GRIN2A: variants seen among roughly 807,000 people sequenced by gnomAD.
The protein encoded by GRIN2A is glutamate receptor ionotropic, NMDA 2A.
Under a neutral mutation model 113.4 loss-of-function variants are expected in GRIN2A, and 22 were observed. The observed-to-expected ratio is 0.19, with a 90% CI of 0.14 to 0.28. The LOEUF (loss-of-function observed/expected upper bound fraction) is 0.28. GRIN2A is among the 10% of genes least tolerant of loss of function. The pLI, the probability that GRIN2A is intolerant of heterozygous loss-of-function variation, is 1.00. For missense variants in GRIN2A, 1,502 were observed against 1,887.0 expected, an observed-to-expected ratio of 0.80 and a Z score of 3.78; for synonymous variants, 827 against 738.4, an observed-to-expected ratio of 1.12 and a Z score of -1.94.
intron 4 of GRIN2A, 71 bp downstream of exon 4, chr16:9,890,915 A>T (rs2043681059): frequency 1.1e-6 from 1 of 927,164 alleles, no homozygotes; most frequent in Non-Finnish European, 1.8e-6. Context: ...GGGAGAAAGA[A>T]GCACTGTGAG....
At chr16:9,781,597 G>A (rs989439429) in intron 11 of GRIN2A, among the ~76,000 whole-genome samples, 3 of 152,130 alleles carry the variant, frequency 2.0e-5, no homozygotes, top group Non-Finnish European at 4.4e-5. Flanking sequence ...CTGGGCTCAA[G>A]CAATCCCCCC....
chr16:9,763,966 A>C lies in GRIN2A; in HGVS notation c.3578T>G (p.Leu1193Trp), dbSNP rs75761674. 7.9e-5 allele frequency: 128 copies of C among 1,614,110 alleles called. No individual in the cohort carries two copies. In the Middle Eastern group the frequency reaches 1.3e-3, roughly 17 times the overall value. ...ACTGTGCGGGGAACCCTTGTCTTTC[A>C]AGGTGAAGTGCTTGGAGTAGAGTTT... ...QYKLYSKHFT[L>W]KDKGSPHSET... Residue 1193 changes from leucine (L) to tryptophan (W), a missense_variant, in exon 13 of 13, where the codon TTG becomes TGG. Around this residue, in one of 7 missense-constraint regions of GRIN2A, gnomAD observed 832 missense variants for 789.7 expected, o/e 1.05. Transcript: ENST00000330684.
chr16:10,044,145 C>T (rs1323275421), intron 2 of GRIN2A, among the ~76,000 whole-genome samples: 1 of 151,398 alleles, frequency 6.6e-6, no homozygotes, highest in Non-Finnish European at 1.5e-5. Context: ...CCTCTGCCTC[C>T]CAGGTCCCGG....
intron 11 of GRIN2A, among the ~76,000 whole-genome samples, chr16:9,797,851 T>A (rs1903096347): frequency 6.6e-6 from 1 of 152,098 alleles, no homozygotes; most frequent in African/African-American, 2.4e-5. Flanking sequence ...ACCCATTAGA[T>A]CAGCAAGCAG....
chr16:9,961,055 A>G (rs2315511), intron 2 of GRIN2A, among the ~76,000 whole-genome samples: 127,522 of 152,252 alleles, frequency 0.84, 54,082 homozygotes, highest in African/African-American at 0.94. Context: ...GCACTATAGT[A>G]CTTGGTATAT....
At chr16:9,857,195 A>G (rs570777721) in intron 4 of GRIN2A, among the ~76,000 whole-genome samples, 9 of 152,360 alleles carry the variant, frequency 5.9e-5, no homozygotes, top group African/African-American at 2.2e-4. Context: ...GCCTAAGGCA[A>G]TATTACAATT....
At chr16:9,941,719 T>C (rs2044882038) in intron 2 of GRIN2A, among the ~76,000 whole-genome samples, 1 of 152,196 alleles carries the variant, frequency 6.6e-6, no homozygotes, top group Non-Finnish European at 1.5e-5. Flanking sequence ...TTCTCATCTA[T>C]AAAATGGGTG....
At chr16:9,815,554 T>C (rs2042172191) in intron 10 of GRIN2A, among the ~76,000 whole-genome samples, 1 of 151,774 alleles carries the variant, frequency 6.6e-6, no homozygotes, top group Admixed American at 6.6e-5. Flanking sequence ...ATTAGGGAAA[T>C]GCAAATCAAA....
intron 2 of GRIN2A, among the ~76,000 whole-genome samples, chr16:10,084,224 T>G (rs893161749): frequency 6.6e-6 from 1 of 152,252 alleles, no homozygotes; most frequent in Non-Finnish European, 1.5e-5. Flanking sequence ...TATTCTTTAC[T>G]GAGCACCTAC....
intron 2 of GRIN2A, among the ~76,000 whole-genome samples, chr16:9,956,289 C>T (rs2045308788): frequency 6.6e-6 from 1 of 152,082 alleles, no homozygotes; most frequent in South Asian, 2.1e-4. Flanking sequence ...ACCTATAAGC[C>T]ACATAATACC....
intron 2 of GRIN2A, among the ~76,000 whole-genome samples, chr16:10,124,016 A>G (rs548567873): frequency 6.6e-6 from 1 of 152,074 alleles, no homozygotes; most frequent in Non-Finnish European, 1.5e-5. Flanking sequence ...CCTTGTTCCC[A>G]CCTTCTTTCC....
At chr16:9,788,413 A>G (rs759217976) in intron 11 of GRIN2A, among the ~76,000 whole-genome samples, 8 of 151,806 alleles carry the variant, frequency 5.3e-5, no homozygotes, top group Non-Finnish European at 1.0e-4. Flanking sequence ...ACCTACCACC[A>G]TGCCTGGCTG....
intron 2 of GRIN2A, among the ~76,000 whole-genome samples, chr16:10,144,049 G>A: frequency 6.6e-6 from 1 of 152,124 alleles, no homozygotes; most frequent in East Asian, 1.9e-4. Flanking sequence ...TGAACATGAG[G>A]GTACAGATAT....
chr16:9,878,744 G>A (rs1033998652), intron 4 of GRIN2A, among the ~76,000 whole-genome samples: 4 of 151,974 alleles, frequency 2.6e-5, no homozygotes, highest in Admixed American at 6.6e-5. Context: ...TCAGCAGAAT[G>A]TTGCTCTGCA....
intron 3 of GRIN2A, among the ~76,000 whole-genome samples, chr16:9,901,134 G>A (rs77876706): frequency 0.03 from 4,501 of 152,218 alleles, 225 homozygotes; most frequent in African/African-American, 0.1. Flanking sequence ...TTTTCCTTCT[G>A]CTGCTTTTTC....
Position 9,757,226 on chromosome 16 carries a change from G to A in GRIN2A, c.*5923C>T, listed in dbSNP as rs1422387569. The A allele has an allele frequency of 4.5e-6, 1 of 219,814 alleles. No individual in the cohort carries two copies. The highest frequency in any genetic ancestry group is 6.6e-5 in the East Asian group (1 of 15,082). 13.6% of individuals were successfully genotyped at this position (219,814 alleles called of 1,614,324 possible). A position where few individuals can be genotyped will look rare whatever the true frequency, so the allele number is the denominator to read the frequency against. On this transcript the variant is annotated 3_prime_UTR_variant, in exon 13 of 13. Transcript: ENST00000330684. ...AGCCTTCCTGTGCAAAAATGTAGGA[G>A]TGTGAGTGTGTTCACCTGGTTAGCA... is the stretch of plus-strand genomic sequence containing the variant.
At chr16:9,848,051 C>T (rs1241495964) in intron 5 of GRIN2A, among the ~76,000 whole-genome samples, 2 of 145,250 alleles carry the variant, frequency 1.4e-5, no homozygotes, top group African/African-American at 5.0e-5. Flanking sequence ...TATATTTTAA[C>T]ATATAAATAT....
intron 3 of GRIN2A, among the ~76,000 whole-genome samples, chr16:9,925,159 G>C (rs2044434847): frequency 1.3e-5 from 2 of 152,154 alleles, no homozygotes; most frequent in African/African-American, 4.8e-5. Context: ...AAGTTACTTG[G>C]AAACAGTTTG....
At chr16:9,943,735 C>T (rs1050325251) in intron 2 of GRIN2A, among the ~76,000 whole-genome samples, 1 of 152,198 alleles carries the variant, frequency 6.6e-6, no homozygotes, top group Admixed American at 6.5e-5. Flanking sequence ...TCGTGAGATG[C>T]ATCCAGTTTT....
Sources: gnomAD v4.1 joint callset for allele counts (sites outside exome capture counted in the v4.1 genomes callset) on GRCh38, gnomAD v4.1.1 for gene constraint, gnomAD v4.1.1 regional missense constraint, MANE v1.5 for transcripts, NCBI Gene and HGNC (gene_info 2026-07-23, HGNC 2026-07-21) for gene names.